Variants in RS1 observed in about 807,000 individuals in gnomAD.
RS1 encodes the protein retinoschisin 1.
RS1 carries 2 observed loss-of-function variants against 20.8 expected under a neutral mutation model. The ratio of observed to expected loss-of-function variants is 0.10; its 90% CI spans 0.04 to 0.30. RS1 has a LOEUF of 0.30. Ranked by LOEUF, RS1 falls within the 10% of genes least tolerant of loss-of-function variation. RS1 has a pLI of 1.00. For missense variants in RS1, 151 were observed against 189.8 expected (o/e 0.80, Z 1.20); for synonymous variants, 70 against 75.8 (o/e 0.92, Z 0.40).
intron 3 of RS1, among the ~76,000 whole-genome samples, chrX:18,655,986 C>CTTTTTTT (rs56213978): frequency 2.0e-5 from 1 of 50,820 alleles, no homozygotes. Context: ...TTTTCTTTTC[C>CTTTTTTT]TTTTTTTTTT....
chrX:18,648,684 C>G (rs745837050), intron 3 of RS1, among the ~76,000 whole-genome samples: 4 of 112,132 alleles, frequency 3.6e-5, no homozygotes, highest in African/African-American at 1.3e-4. Flanking sequence ...TAAAGACTGC[C>G]TGCTGGGATT....
At chrX:18,670,431 T>A (rs1021816984) in intron 1 of RS1, among the ~76,000 whole-genome samples, 4 of 109,970 alleles carry the variant, frequency 3.6e-5, no homozygotes, top group African/African-American at 1.3e-4. Context: ...TTCACCAGGT[T>A]GGGCAGGCTG....
intron 1 of RS1, among the ~76,000 whole-genome samples, chrX:18,662,451 G>T (rs913411514): frequency 2.7e-5 from 3 of 109,893 alleles, no homozygotes; most frequent in Middle Eastern, 4.7e-3. Context: ...ATCCCTCCCC[G>T]CTCCCCCACC....
At chrX:18,642,275 A>G (rs1569228696) in intron 5 of RS1, 119 bp from the exon 6 acceptor site, 23 of 786,119 alleles carry the variant, frequency 2.9e-5, no homozygotes, top group Admixed American at 1.2e-4. Context: ...TAGTTAAAGC[A>G]GTTTGCGGGT....
At chrX:18,665,349 C>T (rs1219167814) in intron 1 of RS1, among the ~76,000 whole-genome samples, 1 of 112,131 alleles carries the variant, frequency 8.9e-6, no homozygotes, top group Non-Finnish European at 1.9e-5. Flanking sequence ...ATGATCTCTC[C>T]ATTTCCACAC....
chrX:18,651,264 T>TGTGTGTGTGTGTGTGTGTGTGAGAGA (rs1491242962), intron 3 of RS1, among the ~76,000 whole-genome samples: 2 of 69,010 alleles, frequency 2.9e-5, no homozygotes, highest in African/African-American at 1.3e-4. Context: ...TGTGTGTGTG[T>TGTGTGTGTGTGTGTGTGTGTGAGAGA]GAGAGAGAGA....
rs1008944073 is a variant in RS1, at chrX:18,640,895, A to G, written c.*1109T>C. 1.8e-5 allele frequency: 2 copies of G among 112,653 alleles called. No individual in the cohort carries two copies. Among genetic ancestry groups the G allele is most frequent in the African/African-American group, 6.5e-5 (2 of 30,924 alleles). The allele number at this position is 112,653 out of a possible 1,213,427, so 9.3% of individuals were successfully genotyped here. On this transcript the variant is annotated 3_prime_UTR_variant, in exon 6 of 6. Transcript: ENST00000379984. The stretch of plus-strand genomic sequence containing the variant: ...TCTAAGTGGCCAATGAGGCCTCCCA[A>G]TCTAAGGCGCCGCCTCCAGGAACGG...
chrX:18,655,986 C>CTTTTTTTT (rs56213978), intron 3 of RS1, among the ~76,000 whole-genome samples: 4 of 50,826 alleles, frequency 7.9e-5, no homozygotes, highest in African/African-American at 1.6e-4. Context: ...TTTTCTTTTC[C>CTTTTTTTT]TTTTTTTTTT....
At chrX:18,658,518 C>T (rs1418541380) in intron 1 of RS1, among the ~76,000 whole-genome samples, 3 of 110,066 alleles carry the variant, frequency 2.7e-5, no homozygotes, top group African/African-American at 6.6e-5. Flanking sequence ...TACAATGGCG[C>T]GATCTCGGCT....
chrX:18,656,546 T>G lies in RS1; in HGVS notation c.184+107A>C. 9.9e-6 allele frequency: 6 copies of G among 608,985 alleles called. No individual in the cohort carries two copies. The Admixed American group carries it at 1.3e-4, about 14-fold the overall frequency. 50.2% of individuals were successfully genotyped at this position (608,985 alleles called of 1,213,427 possible). ...CACAGCTACCACTCATCTTTCATTCTAAAGATGGGGGTAGCGTTCAGGGGG... is the reference window on the plus strand; with the variant it reads ...CACAGCTACCACTCATCTTTCATTCGAAAGATGGGGGTAGCGTTCAGGGGG... On this transcript the variant is annotated intron_variant, in intron 3 of 5. Transcript: ENST00000379984.
At chrX:18,658,396 T>C (rs1928256197) in intron 1 of RS1, among the ~76,000 whole-genome samples, 2 of 111,614 alleles carry the variant, frequency 1.8e-5, no homozygotes, top group South Asian at 7.4e-4. Context: ...AACAGTGTTG[T>C]ATCCTGCTTT....
Position 18,640,071 on chromosome X carries a change from G to A in RS1, c.*1933C>T, listed in dbSNP as rs1300655594. The A allele has an allele frequency of 9.0e-6, 1 of 111,317 alleles. No homozygotes were observed. Among genetic ancestry groups the A allele is most frequent in the Non-Finnish European group, 1.9e-5 (1 of 53,079 alleles). 9.2% of individuals were successfully genotyped at this position (111,317 alleles called of 1,213,427 possible). ...TTGGGGTGATAAACTTTCTAAAATT[G>A]ATCTAGTGATAATGGTTGCACAACT... On this transcript the variant is annotated 3_prime_UTR_variant, in exon 6 of 6. Transcript: ENST00000379984.
intron 1 of RS1, among the ~76,000 whole-genome samples, chrX:18,668,755 T>C (rs924813420): frequency 8.9e-6 from 1 of 112,337 alleles, no homozygotes; most frequent in Non-Finnish European, 1.9e-5. Flanking sequence ...TGTGACTCCA[T>C]TGAAATGAAC....
At chrX:18,671,829 C>T (rs1269281869) in intron 1 of RS1, among the ~76,000 whole-genome samples, 188 bp downstream of exon 1, 2 of 111,809 alleles carry the variant, frequency 1.8e-5, no homozygotes, top group Non-Finnish European at 3.8e-5. Flanking sequence ...CTTTAGAAGG[C>T]TCCTCACAGA....
At chrX:18,650,333 T>G (rs1768773806) in intron 3 of RS1, 1 of 1,005,115 alleles carries the variant, frequency 9.9e-7, no homozygotes, top group African/African-American at 1.9e-5. Flanking sequence ...TCACCTTGGC[T>G]TCAGCTGGTG....
At chrX:18,658,041 G>C (rs1928250238) in intron 1 of RS1, among the ~76,000 whole-genome samples, 2 of 110,920 alleles carry the variant, frequency 1.8e-5, no homozygotes, top group African/African-American at 6.6e-5. Context: ...ATGGTGGCAC[G>C]CGCCTGTAAT....
At chrX:18,655,179 G>T (rs1412208540) in intron 3 of RS1, among the ~76,000 whole-genome samples, 1 of 112,185 alleles carries the variant, frequency 8.9e-6, no homozygotes, top group Admixed American at 9.5e-5. Context: ...TCAACAGTGT[G>T]CTAGTACCCC....
chrX:18,649,470 TG>T (rs1927938005), intron 3 of RS1, among the ~76,000 whole-genome samples: 1 of 111,868 alleles, frequency 8.9e-6, no homozygotes, highest in Non-Finnish European at 1.9e-5. Flanking sequence ...GAGACGGCCA[TG>T]CCCTGTCCCC....
chrX:18,656,752 C>T lies in RS1; in HGVS notation c.85G>A (p.Gly29Ser). ...TLGLSSTEDE[G>S]EDPWYQKACK... Reference sequence around the variant, plus strand: ...GCTTTTTGGTACCAGGGGTCCTCGCCTTCATCCTGCAGCCAACCAGAGAGG... The same window carrying T: ...GCTTTTTGGTACCAGGGGTCCTCGCTTTCATCCTGCAGCCAACCAGAGAGG... Residue 29 changes from glycine to serine, a missense_variant, in exon 3 of 6, where the codon GGC becomes AGC. Gly to Ser is a moderately conservative substitution (Grantham distance 56). Coordinates refer to ENST00000379984, the MANE Select transcript of RS1 (RefSeq NM_000330.4). 1 of 1,208,083 alleles carries T rather than the reference C, an allele frequency of 8.3e-7. No homozygotes were observed. The highest frequency in any genetic ancestry group is 1.7e-5 in the African/African-American group (1 of 57,720).
Sources: gnomAD v4.1 joint callset for allele counts (sites outside exome capture counted in the v4.1 genomes callset) on GRCh38, gnomAD v4.1.1 for gene constraint, MANE v1.5 for transcripts, NCBI Gene and HGNC (gene_info 2026-07-23, HGNC 2026-07-21) for gene names.